The following TNFSF12 variants were observed in gnomAD, a reference collection of about 807,000 sequenced individuals.
The protein encoded by TNFSF12 is TNF superfamily member 12, also known as tumor necrosis factor ligand superfamily member 12.
A neutral mutation model predicts 31.2 loss-of-function variants in TNFSF12; 16 were observed. The observed-to-expected ratio is 0.51, with a 90% confidence interval of 0.35 to 0.78. The LOEUF (loss-of-function observed/expected upper bound fraction) is 0.78, where lower values mean the gene tolerates loss of function less well. Among genes scored for constraint, TNFSF12 ranks in the 30% least tolerant of loss-of-function variants. The probability of loss-of-function intolerance (pLI) is 0.01; values close to 1 mark genes in which losing one functional copy is unlikely to be tolerated. For missense variants in TNFSF12, 324 were observed against 338.8 expected (o/e 0.96, Z 0.34); for synonymous variants, 150 against 151.4 (o/e 0.99, Z 0.07).
chr17:7,557,456 C>A lies in TNFSF12; in HGVS notation c.*106C>A. 1 of 1,426,348 alleles carries A rather than the reference C, an allele frequency of 7.0e-7. No homozygotes were observed. Among genetic ancestry groups the A allele is most frequent in the Non-Finnish European group, 9.3e-7 (1 of 1,075,922 alleles). The allele number at this position is 1,426,348 out of a possible 1,614,324, so 88.4% of individuals were successfully genotyped here. The stretch of plus-strand genomic sequence containing the variant: ...ACCCTCAGCCGCTCTTTGCTCCAGA[C>A]CTGCCCCTCCCTCTAGAGGCTGCCT... On this transcript the variant is annotated 3_prime_UTR_variant, in exon 7 of 7. Coordinates refer to ENST00000293825, the MANE Select transcript of TNFSF12 (RefSeq NM_003809.3). This position sits in a 1 kb window ranked among gnomAD's most constrained non-coding sequence, Gnocchi z 5.2.
At chr17:7,553,844 TG>T (rs1567721361) in intron 5 of TNFSF12, 2 of 1,108,150 alleles carry the variant, frequency 1.8e-6, no homozygotes, top group South Asian at 2.2e-5. Context: ...GTAGATTTGC[TG>T]GGGGGAGATG....
rs996760555 is a variant in TNFSF12 at position 7,557,026 on chromosome 17, C to T, written c.499-73C>T. 1.9e-5 allele frequency: 29 copies of T among 1,546,284 alleles called. No homozygotes were observed. The highest frequency in any genetic ancestry group is 4.5e-5 in the East Asian group (2 of 43,964). On this transcript the variant is annotated intron_variant, in intron 6 of 6. Transcript: ENST00000293825. This position sits in a 1 kb window ranked among gnomAD's most constrained non-coding sequence, Gnocchi z 5.2. ...GGGTTTGGGTGGGATGGGATGCCTG[C>T]GTCGCTGAGGAAATTGGAAATTGAG...
At position 7,549,901 on chromosome 17, in the gene TNFSF12, T is replaced by G. The variant is rs1195443054; in HGVS notation, c.208-219T>G. 14 of 652,408 alleles carry G rather than the reference T, an allele frequency of 2.1e-5. No homozygotes were observed. The highest frequency in any genetic ancestry group is 4.2e-4 in the Middle Eastern group (1 of 2,392). 40.4% of individuals were successfully genotyped at this position (652,408 alleles called of 1,614,324 possible). A position where few individuals can be genotyped will look rare whatever the true frequency, so the allele number is the denominator to read the frequency against. The stretch of plus-strand genomic sequence containing the variant: ...GCAGGGTCTGCGTTGGTTGTGTGTG[T>G]GGGTGGGAAAGTGTAGCTGGTCTAG... On this transcript the variant is annotated intron_variant, in intron 2 of 6. Transcript: ENST00000293825. The surrounding 1 kb of genome is among the most constrained non-coding windows in gnomAD (Gnocchi z 4.1).
At chr17:7,554,516 C>G (rs1021678452) in intron 5 of TNFSF12, among the ~76,000 whole-genome samples, 1 of 150,234 alleles carries the variant, frequency 6.7e-6, no homozygotes, top group African/African-American at 2.5e-5. Flanking sequence ...GGGGTTTCAC[C>G]GTGTTAGCCA....
In TNFSF12 at chr17:7,550,701, G is replaced by T; in HGVS notation, c.284-98G>T. On this transcript the variant is annotated intron_variant, in intron 3 of 6. Transcript: ENST00000293825. This position sits in a 1 kb window ranked among gnomAD's most constrained non-coding sequence, Gnocchi z 4.4. ...AGGCCAGGAGTCTGGACAAGAATAA[G>T]GATGCCAGGGTTCCTGAGAGGGGAA... 6.6e-7 allele frequency: 1 copy of T among 1,524,876 alleles called. No homozygotes were observed. Among genetic ancestry groups the T allele is most frequent in the South Asian group, 1.2e-5 (1 of 81,708 alleles). The allele number at this position is 1,524,876 out of a possible 1,614,324, so 94.5% of individuals were successfully genotyped here. A position where few individuals can be genotyped will look rare whatever the true frequency, so the allele number is the denominator to read the frequency against.
rs769357754 is a variant in TNFSF12, at chr17:7,557,367, C to A, written c.*17C>A. The stretch of plus-strand genomic sequence containing the variant: ...GTTCACTGAGGGGCCCTGGTCTCCC[C>A]GCAGTCGTCCCAGGCTGCCGGCTCC... On this transcript the variant is annotated 3_prime_UTR_variant, in exon 7 of 7. Transcript: ENST00000293825. The surrounding 1 kb of genome is among the most constrained non-coding windows in gnomAD (Gnocchi z 5.2). 4 of 1,566,268 alleles carry A rather than the reference C, an allele frequency of 2.6e-6. No individual in the cohort carries two copies. Among genetic ancestry groups the A allele is most frequent in the East Asian group, 2.3e-5 (1 of 44,214 alleles).
At chr17:7,551,594 A>T (rs1041105629) in intron 5 of TNFSF12, among the ~76,000 whole-genome samples, 2 of 151,910 alleles carry the variant, frequency 1.3e-5, no homozygotes, top group African/African-American at 4.8e-5. Context: ...CCTCTTCTGG[A>T]CTTTGCACAT....
intron 6 of TNFSF12, 23 bp downstream of exon 6, chr17:7,556,925 G>A: frequency 1.3e-6 from 2 of 1,525,824 alleles, no homozygotes; most frequent in Non-Finnish European, 1.8e-6. Context: ...TGGCTGCATG[G>A]GTAACGCAGT....
rs769062144 is a variant in TNFSF12 at position 7,557,357 on chromosome 17, C to T, written c.*7C>T. The T allele has an allele frequency of 3.2e-6, 5 of 1,581,558 alleles. No homozygotes were observed. The highest frequency in any genetic ancestry group is 3.4e-6 in the Non-Finnish European group (4 of 1,159,734). On this transcript the variant is annotated 3_prime_UTR_variant, in exon 7 of 7. Transcript: ENST00000293825. This position sits in a 1 kb window ranked among gnomAD's most constrained non-coding sequence, Gnocchi z 5.2. ...ACTCTTCCAGGTTCACTGAGGGGCC[C>T]TGGTCTCCCCGCAGTCGTCCCAGGC...
Position 7,557,224 on chromosome 17 carries a change from C to A in TNFSF12, c.624C>A (p.Arg208=), listed in dbSNP as rs61761339. ...TAASSLGPQL[R]LCQVSGLLAL... ...CGAGTTCCCTCGGGCCCCAGCTCCG[C>A]CTCTGCCAGGTGTCTGGGCTGTTGG... The change falls in exon 7 of 7, where the codon CGC becomes CGA. Residue 208 remains arginine, a synonymous_variant. Coordinates refer to ENST00000293825, the MANE Select transcript of TNFSF12 (RefSeq NM_003809.3). This position sits in a 1 kb window ranked among gnomAD's most constrained non-coding sequence, Gnocchi z 5.2. The A allele has an allele frequency of 4.8e-5, 78 of 1,612,360 alleles. 1 individual carries two copies. The East Asian group carries it at 1.7e-3, about 36-fold the overall frequency.
Position 7,550,684 on chromosome 17 carries a change from A to G in TNFSF12, c.284-115A>G. 1 of 1,454,732 alleles carries G rather than the reference A, an allele frequency of 6.9e-7. No homozygotes were observed. The highest frequency in any genetic ancestry group is 9.3e-7 in the Non-Finnish European group (1 of 1,070,082). The allele number at this position is 1,454,732 out of a possible 1,614,324, so 90.1% of individuals were successfully genotyped here. A position where few individuals can be genotyped will look rare whatever the true frequency, so the allele number is the denominator to read the frequency against. The stretch of plus-strand genomic sequence containing the variant: ...TGAGGCCTGAGATTCTAAGGCCAGG[A>G]GTCTGGACAAGAATAAGGATGCCAG... On this transcript the variant is annotated intron_variant, in intron 3 of 6. Coordinates refer to ENST00000293825, the MANE Select transcript of TNFSF12 (RefSeq NM_003809.3). The surrounding 1 kb of genome is among the most constrained non-coding windows in gnomAD (Gnocchi z 4.4).
chr17:7,557,517 C>T lies in TNFSF12; in HGVS notation c.*167C>T, dbSNP rs751323560. 2.8e-5 allele frequency: 26 copies of T among 921,228 alleles called. No individual in the cohort carries two copies. The highest frequency in any genetic ancestry group is 3.8e-5 in the Non-Finnish European group (24 of 636,308). 57.1% of individuals were successfully genotyped at this position (921,228 alleles called of 1,614,324 possible). On this transcript the variant is annotated 3_prime_UTR_variant, in exon 7 of 7. Coordinates refer to ENST00000293825, the MANE Select transcript of TNFSF12 (RefSeq NM_003809.3). The surrounding 1 kb of genome is among the most constrained non-coding windows in gnomAD (Gnocchi z 5.2). ...ACGTGTTTTCCATCCCACATAAATA[C>T]AGTATTCCCACTCTTATCTTACAAC... is the stretch of plus-strand genomic sequence containing the variant.
In TNFSF12 at chr17:7,553,737, ATCC is replaced by A; in HGVS notation, c.373+2760_373+2762del. The A allele has an allele frequency of 9.6e-6, 12 of 1,252,266 alleles. No individual in the cohort carries two copies. The Admixed American group carries it at 1.6e-4, about 17-fold the overall frequency. 77.6% of individuals were successfully genotyped at this position (1,252,266 alleles called of 1,614,324 possible). On this transcript the variant is annotated intron_variant, in intron 5 of 6. Transcript: ENST00000293825. ...GGTGAGGGGTCCATGCAGGGGCCAC[ATCC>A]AAAAAGGGGAGAGGGAAGTTTCCAG...
At chr17:7,553,851 AGATGAGGGAACCTTTGCTC>A in intron 5 of TNFSF12, 1 of 1,106,692 alleles carries the variant, frequency 9.0e-7, no homozygotes, top group East Asian at 6.3e-5. Flanking sequence ...TGCTGGGGGG[AGATGAGGGAACCTTTGCTC>A]GATGACTTCT....
chr17:7,551,139 A>C (rs1358493765), intron 5 of TNFSF12, among the ~76,000 whole-genome samples, 161 bp downstream of exon 5: 3 of 152,028 alleles, frequency 2.0e-5, no homozygotes, highest in Non-Finnish European at 2.9e-5. Context: ...ACCCCATGAA[A>C]GACCCCTACT....
At position 7,549,178 on chromosome 17, in the gene TNFSF12, C is replaced by A; in HGVS notation, c.25C>A (p.Arg9=). The A allele has an allele frequency of 7.7e-7, 1 of 1,299,560 alleles. No individual in the cohort carries two copies. Among genetic ancestry groups the A allele is most frequent in the East Asian group, 3.1e-5 (1 of 31,980 alleles). The allele number at this position is 1,299,560 out of a possible 1,614,324, so 80.5% of individuals were successfully genotyped here. The change falls in exon 1 of 7, where the codon CGG becomes AGG. Residue 9 remains arginine (R), a synonymous_variant. Transcript: ENST00000293825. The surrounding 1 kb of genome is among the most constrained non-coding windows in gnomAD (Gnocchi z 4.1). MAARRSQR[R]RGRRGEPGTA... The stretch of plus-strand genomic sequence containing the variant: ...CATGGCCGCCCGTCGGAGCCAGAGG[C>A]GGAGGGGGCGCCGGGGGGAGCCGGG...
Position 7,556,618 on chromosome 17 carries a change from C to T in TNFSF12, c.374-160C>T, listed in dbSNP as rs147867864. 2.2e-3 allele frequency among the ~76,000 whole-genome samples: 338 copies of T among 152,336 alleles called. 2 individuals carry two copies. Among genetic ancestry groups the T allele is most frequent in the Middle Eastern group, 6.8e-3 (2 of 292 alleles). ...TTTTTTCACATAACTTCCTAGTCAACTATGGGCATCATAGGGGATGGGTCC... is the reference window on the plus strand; with the variant it reads ...TTTTTTCACATAACTTCCTAGTCAATTATGGGCATCATAGGGGATGGGTCC... On this transcript the variant is annotated intron_variant, in intron 5 of 6. Transcript: ENST00000293825.
At position 7,549,524 on chromosome 17, in the gene TNFSF12, G is replaced by T; in HGVS notation, c.207+3G>T. On this transcript the variant is annotated splice_donor_region_variant and intron_variant, in intron 2 of 6. Coordinates refer to ENST00000293825, the MANE Select transcript of TNFSF12 (RefSeq NM_003809.3). The surrounding 1 kb of genome is among the most constrained non-coding windows in gnomAD (Gnocchi z 4.1). ...CAGAGGAGGACCAGGACCCGTCGGT[G>T]AGTGGGCGTGGGCGCGGTCTGCAGG... is the stretch of plus-strand genomic sequence containing the variant. The T allele has an allele frequency of 1.3e-6, 2 of 1,551,130 alleles. No homozygotes were observed. Among genetic ancestry groups the T allele is most frequent in the African/African-American group, 1.4e-5 (1 of 73,882 alleles).
At chr17:7,556,039 G>A (rs1356460392) in intron 5 of TNFSF12, among the ~76,000 whole-genome samples, 1 of 142,418 alleles carries the variant, frequency 7.0e-6, no homozygotes, top group East Asian at 2.1e-4. Flanking sequence ...GGAGTGCAGT[G>A]GCATGATCTT....
Sources: gnomAD v4.1 joint callset for allele counts (sites outside exome capture counted in the v4.1 genomes callset) on GRCh38, gnomAD v4.1.1 for gene constraint, Gnocchi (gnomAD v3.1) non-coding constraint, MANE v1.5 for transcripts, NCBI Gene and HGNC (gene_info 2026-07-23, HGNC 2026-07-21) for gene names.